Variants in MCC observed in about 807,000 individuals in gnomAD.
MCC encodes MCC regulator of Wnt signaling pathway, also known as colorectal mutant cancer protein.
Under a neutral mutation model 116.2 loss-of-function variants are expected in MCC, and 90 were observed. The ratio of observed to expected loss-of-function variants is 0.77; its 90% CI spans 0.65 to 0.92. MCC has a LOEUF of 0.92. Among genes scored for constraint, MCC ranks in the 40% least tolerant of loss-of-function variants. The pLI is 0.00. For synonymous variants in MCC, 578 were observed against 510.5 expected (o/e 1.13, Z -1.78); for missense variants, 1,516 against 1,312.2 (o/e 1.16, Z -2.40).
intron 1 of MCC, among the ~76,000 whole-genome samples, chr5:113,414,600 T>A (rs968601298): frequency 3.9e-5 from 6 of 152,206 alleles, no homozygotes; most frequent in Non-Finnish European, 7.3e-5. Flanking sequence ...CTGCTTTTTT[T>A]TTGCTTCCAT....
chr5:113,318,648 T>C (rs1405098968), intron 3 of MCC, among the ~76,000 whole-genome samples: 2 of 151,360 alleles, frequency 1.3e-5, no homozygotes, highest in East Asian at 3.9e-4. Flanking sequence ...TATGAATACA[T>C]AGAGGGGAAC....
chr5:113,207,784 A>C (rs1400180304), intron 3 of MCC, among the ~76,000 whole-genome samples: 1 of 152,220 alleles, frequency 6.6e-6, no homozygotes, highest in African/African-American at 2.4e-5. Flanking sequence ...TAGAGGTAAC[A>C]GCTTAAGAGA....
At chr5:113,145,712 CTTTT>C (rs1759457027) in intron 4 of MCC, among the ~76,000 whole-genome samples, 1 of 149,670 alleles carries the variant, frequency 6.7e-6, no homozygotes, top group Non-Finnish European at 1.5e-5. Flanking sequence ...AGTGGCCATT[CTTTT>C]GTTTCTCTAA....
chr5:113,126,333 C>T (rs563413392), intron 5 of MCC, among the ~76,000 whole-genome samples: 25 of 152,280 alleles, frequency 1.6e-4, no homozygotes, highest in Admixed American at 9.2e-4. Flanking sequence ...AGGACCACTA[C>T]CTTTATTTTA....
intron 11 of MCC, among the ~76,000 whole-genome samples, chr5:113,074,975 G>A (rs2150236843): frequency 6.6e-6 from 1 of 152,344 alleles, no homozygotes; most frequent in African/African-American, 2.4e-5. Context: ...GAGCGCTTCA[G>A]CCCACCACTG....
chr5:113,099,213 A>T (rs1756241829), intron 8 of MCC, among the ~76,000 whole-genome samples: 1 of 152,272 alleles, frequency 6.6e-6, no homozygotes, highest in Non-Finnish European at 1.5e-5. Context: ...GAAGAGATAA[A>T]AGTTAACATT....
chr5:113,316,331 G>T (rs1244494812), intron 3 of MCC, among the ~76,000 whole-genome samples: 1 of 151,596 alleles, frequency 6.6e-6, no homozygotes, highest in Admixed American at 6.6e-5. Context: ...CAACTGAAAG[G>T]CTATAACTTG....
rs760882933 is a variant in MCC, at chr5:113,043,553, C to T, written c.2733G>A (p.Ala911=). ...RTTCSENELA[A]EFTNAIRREK... is the part of the protein sequence containing the mutation. ...ACCGACGAATGGCGTTGGTGAACTC[C>T]GCAGCCAGCTCATTCTCGCTGCACG... The change falls in exon 17 of 19, where the codon GCG becomes GCA. Residue 911 remains alanine (A), a synonymous_variant. Transcript: ENST00000408903. 60 of 1,613,964 alleles carry T rather than the reference C, an allele frequency of 3.7e-5. No homozygotes were observed. The highest frequency in any genetic ancestry group is 3.3e-4 in the Middle Eastern group (2 of 6,082).
At chr5:113,184,671 C>A (rs1432069427) in intron 3 of MCC, among the ~76,000 whole-genome samples, 2 of 151,716 alleles carry the variant, frequency 1.3e-5, no homozygotes, top group African/African-American at 2.4e-5. Flanking sequence ...CAGAGGTCAA[C>A]AAGGATTATT....
intron 1 of MCC, among the ~76,000 whole-genome samples, chr5:113,417,302 A>G (rs924809424): frequency 6.6e-6 from 1 of 152,128 alleles, no homozygotes; most frequent in Non-Finnish European, 1.5e-5. Flanking sequence ...CCTAATATAT[A>G]CCTTTCCAAA....
chr5:113,461,695 A>T (rs1412572133), intron 1 of MCC, among the ~76,000 whole-genome samples: 1 of 150,346 alleles, frequency 6.7e-6, no homozygotes, highest in Non-Finnish European at 1.5e-5. Context: ...TTAATTTTTT[A>T]AAAAAGAAAT....
Position 113,326,046 on chromosome 5 carries a change from T to C in MCC, c.627+14473A>G, listed in dbSNP as rs1561524575. On this transcript the variant is annotated intron_variant, in intron 3 of 18. Transcript: ENST00000408903. ...AGGGTTTTATTTATATCTTTGATTA[T>C]AAATTAGATGTTTTGTCTAGATTAA... Among the ~76,000 whole-genome samples the C allele has an allele frequency of 2.0e-5, 3 of 152,222 alleles. No homozygotes were observed. In the South Asian group the frequency reaches 6.2e-4, roughly 31 times the overall value.
intron 3 of MCC, among the ~76,000 whole-genome samples, chr5:113,224,812 C>T (rs563713701): frequency 1.3e-5 from 2 of 152,244 alleles, no homozygotes; most frequent in East Asian, 3.9e-4. Flanking sequence ...CACTCCTGTT[C>T]GCAAAAACAA....
chr5:113,221,469 G>C (rs979771444), intron 3 of MCC, among the ~76,000 whole-genome samples: 1 of 152,188 alleles, frequency 6.6e-6, no homozygotes, highest in African/African-American at 2.4e-5. Context: ...TCCTGCCTGG[G>C]GACTGGACTG....
At chr5:113,110,167 C>T (rs555941494) in intron 6 of MCC, among the ~76,000 whole-genome samples, 1 of 152,186 alleles carries the variant, frequency 6.6e-6, no homozygotes, top group East Asian at 1.9e-4. Flanking sequence ...AGAGAGGAGG[C>T]CTTTGGTAGC....
At chr5:113,083,135 T>C (rs906033557) in intron 10 of MCC, 127 bp from the exon 11 acceptor site, 25 of 819,300 alleles carry the variant, frequency 3.1e-5, no homozygotes, top group South Asian at 1.3e-4. Context: ...ACCCTGAAGG[T>C]TCTCAGTTTG....
intron 6 of MCC, among the ~76,000 whole-genome samples, chr5:113,109,027 T>C (rs1174114064): frequency 6.6e-6 from 1 of 152,180 alleles, no homozygotes; most frequent in African/African-American, 2.4e-5. Context: ...AGGTACTACG[T>C]CAAGGTACCA....
At chr5:113,465,499 G>C (rs1004336931) in intron 1 of MCC, among the ~76,000 whole-genome samples, 1 of 152,062 alleles carries the variant, frequency 6.6e-6, no homozygotes, top group Non-Finnish European at 1.5e-5. Flanking sequence ...AAAGGAAAAA[G>C]TGAAGAAAAA....
intron 3 of MCC, chr5:113,295,053 G>T: frequency 1.6e-6 from 1 of 611,498 alleles, no homozygotes; most frequent in Non-Finnish European, 2.0e-6. Context: ...GAGCAGAGGA[G>T]ACCGTGCTGG....
Sources: allele counts gnomAD v4.1 joint callset (sites outside exome capture counted in the v4.1 genomes callset), GRCh38; gene constraint gnomAD v4.1.1; transcripts MANE v1.5; gene names NCBI Gene and HGNC (gene_info 2026-07-23, HGNC 2026-07-21).